The following SCGN variants were observed in gnomAD, a reference collection of about 807,000 sequenced individuals.
SCGN encodes secretagogin, EF-hand calcium binding protein.
A neutral mutation model predicts 39.7 loss-of-function variants in SCGN; 30 were observed. That is an observed-to-expected ratio of 0.76 (90% confidence interval 0.57 to 1.03). The LOEUF (loss-of-function observed/expected upper bound fraction) is 1.03, where lower values mean the gene tolerates loss of function less well. Among genes scored for constraint, SCGN ranks in the 50% least tolerant of loss-of-function variants. The probability of loss-of-function intolerance (pLI) is 0.00; values close to 1 mark genes in which losing one functional copy is unlikely to be tolerated. For missense variants in SCGN, 353 were observed against 349.4 expected, an observed-to-expected ratio of 1.01 and a Z score of -0.08; for synonymous variants, 106 against 114.1, an observed-to-expected ratio of 0.93 and a Z score of 0.45.
intron 10 of SCGN, among the ~76,000 whole-genome samples, chr6:25,699,002 A>AT (rs537590890): frequency 3.3e-5 from 5 of 151,372 alleles, no homozygotes; most frequent in Non-Finnish European, 5.9e-5. Context: ...TTAAGGAACA[A>AT]TTTTTTTTTC....
chr6:25,680,541 A>C (rs1275852612), intron 6 of SCGN, among the ~76,000 whole-genome samples: 5 of 152,148 alleles, frequency 3.3e-5, no homozygotes, highest in African/African-American at 9.7e-5. Context: ...TTTCTCTTGG[A>C]GTAAGTTTGC....
At chr6:25,692,091 C>T (rs1272072414) in intron 10 of SCGN, among the ~76,000 whole-genome samples, 6 of 152,188 alleles carry the variant, frequency 3.9e-5, no homozygotes, top group Non-Finnish European at 8.8e-5. Flanking sequence ...CCCTTGTCTC[C>T]TCTTTTCCTC....
chr6:25,686,376 CTTG>C (rs1461170376), intron 7 of SCGN, among the ~76,000 whole-genome samples: 1 of 152,180 alleles, frequency 6.6e-6, no homozygotes, highest in Non-Finnish European at 1.5e-5. Flanking sequence ...CTAATCAGCA[CTTG>C]TTATTGTTTG....
intron 6 of SCGN, among the ~76,000 whole-genome samples, chr6:25,673,123 G>C (rs916565502): frequency 6.6e-6 from 1 of 152,074 alleles, no homozygotes; most frequent in Non-Finnish European, 1.5e-5. Flanking sequence ...ACAAAATAAG[G>C]AACATTTGTC....
chr6:25,667,761 C>T (rs565960747), intron 4 of SCGN, among the ~76,000 whole-genome samples: 15 of 152,118 alleles, frequency 9.9e-5, no homozygotes, highest in African/African-American at 3.4e-4. Flanking sequence ...AATGTCTTTA[C>T]TTTGTCTTTA....
chr6:25,663,432 A>G (rs769527701), intron 3 of SCGN, among the ~76,000 whole-genome samples: 2 of 152,224 alleles, frequency 1.3e-5, no homozygotes, highest in Non-Finnish European at 2.9e-5. Context: ...GCTCAATTTT[A>G]TCATCTTTAC....
intron 10 of SCGN, among the ~76,000 whole-genome samples, chr6:25,700,543 C>T (rs1017128246): frequency 1.2e-4 from 18 of 152,122 alleles, no homozygotes; most frequent in African/African-American, 4.3e-4. Flanking sequence ...CCTCTGTTTC[C>T]TAATTTGTAA....
At chr6:25,683,857 A>C (rs899296213) in intron 7 of SCGN, among the ~76,000 whole-genome samples, 2 of 152,238 alleles carry the variant, frequency 1.3e-5, no homozygotes, top group African/African-American at 4.8e-5. Context: ...TACCATGTGG[A>C]AAATTTATGT....
At chr6:25,653,975 C>T (rs1231696258) in intron 2 of SCGN, among the ~76,000 whole-genome samples, 4 of 152,172 alleles carry the variant, frequency 2.6e-5, no homozygotes, top group African/African-American at 9.7e-5. Flanking sequence ...AGCCCAGATA[C>T]AAATGGAAGC....
chr6:25,652,586 T>C (rs1179008017), intron 1 of SCGN, 101 bp downstream of exon 1: 3 of 1,094,614 alleles, frequency 2.7e-6, no homozygotes, highest in Non-Finnish European at 4.1e-6. Flanking sequence ...GGAAAAGTTA[T>C]CGACCTGGGT....
rs1582583893 is a variant in SCGN, at chr6:25,681,990, C to A, written c.511C>A (p.Leu171Ile). Reference sequence around the variant, plus strand: ...CAGAAATAAAGATGGTCGGTTGGATCTAAATGACTTAGCAAGGTGAGTTAC... The same window carrying A: ...CAGAAATAAAGATGGTCGGTTGGATATAAATGACTTAGCAAGGTGAGTTAC... ...FDRNKDGRLD[L>I]NDLARILALQ... Residue 171 changes from leucine (L) to isoleucine (I), a missense_variant, in exon 7 of 11, where the codon CTA (leucine) becomes ATA (isoleucine). Coordinates refer to ENST00000377961, the MANE Select transcript of SCGN (RefSeq NM_006998.4). 6.2e-7 allele frequency: 1 copy of A among 1,613,180 alleles called. No homozygotes were observed. Among genetic ancestry groups the A allele is most frequent in the Non-Finnish European group, 8.5e-7 (1 of 1,179,140 alleles).
intron 4 of SCGN, among the ~76,000 whole-genome samples, chr6:25,668,705 T>C (rs749349314): frequency 1.3e-5 from 2 of 152,102 alleles, no homozygotes; most frequent in Non-Finnish European, 2.9e-5. Context: ...CAGGCAGACA[T>C]ACTTGGGACA....
chr6:25,672,105 A>T (rs1263155363), intron 6 of SCGN, among the ~76,000 whole-genome samples: 1 of 152,190 alleles, frequency 6.6e-6, no homozygotes, highest in African/African-American at 2.4e-5. Flanking sequence ...GTTAGATATC[A>T]ACTTGCCCTA....
In SCGN at chr6:25,683,101, C is replaced by T. The variant is rs541582400; in HGVS notation, c.527+1095C>T. Reference sequence around the variant, plus strand: ...CCTTGGCTACTTTTTTTAGGACCTTCGTTCTAACTTTGTCCACATTGATAT... The same window carrying T: ...CCTTGGCTACTTTTTTTAGGACCTTTGTTCTAACTTTGTCCACATTGATAT... On this transcript the variant is annotated intron_variant, in intron 7 of 10. Coordinates refer to ENST00000377961, the MANE Select transcript of SCGN (RefSeq NM_006998.4). 3.3e-5 allele frequency among the ~76,000 whole-genome samples: 5 copies of T among 152,086 alleles called. No individual in the cohort carries two copies. In the East Asian group the frequency reaches 9.6e-4, roughly 29 times the overall value.
chr6:25,654,950 A>T lies in SCGN; in HGVS notation c.153+1498A>T, dbSNP rs73733722. Among the ~76,000 whole-genome samples, 1,301 of 152,258 alleles carry T rather than the reference A, an allele frequency of 8.5e-3. 19 individuals carry two copies. Among genetic ancestry groups the T allele is most frequent in the African/African-American group, 0.028 (1,176 of 41,534 alleles). ...TCATTCTTGTACCTACACAAGCTAC[A>T]GGTAGAGCTGAGGAAGCCTCCCCCA... On this transcript the variant is annotated intron_variant, in intron 2 of 10. Coordinates refer to ENST00000377961, the MANE Select transcript of SCGN (RefSeq NM_006998.4).
chr6:25,656,574 G>A (rs2151376574), intron 2 of SCGN, among the ~76,000 whole-genome samples: 1 of 152,250 alleles, frequency 6.6e-6, no homozygotes, highest in South Asian at 2.1e-4. Flanking sequence ...GATTCTATGT[G>A]TACATACCCC....
chr6:25,662,097 A>G (rs540215435), intron 3 of SCGN, among the ~76,000 whole-genome samples: 8 of 152,334 alleles, frequency 5.3e-5, no homozygotes, highest in Non-Finnish European at 1.0e-4. Context: ...AGCACGACAG[A>G]CAATAGGTGT....
intron 3 of SCGN, among the ~76,000 whole-genome samples, chr6:25,664,179 G>T (rs1760389716): frequency 6.6e-6 from 1 of 152,170 alleles, no homozygotes; most frequent in African/African-American, 2.4e-5. Flanking sequence ...AAGCTGATTG[G>T]TTGAATTCAT....
intron 7 of SCGN, among the ~76,000 whole-genome samples, chr6:25,687,400 C>G (rs1020397110): frequency 6.6e-6 from 1 of 152,112 alleles, no homozygotes. Flanking sequence ...AACTAAACCA[C>G]TTTTGTTAAA....
Sources: gnomAD v4.1 joint callset for allele counts (sites outside exome capture counted in the v4.1 genomes callset) on GRCh38, gnomAD v4.1.1 for gene constraint, MANE v1.5 for transcripts, NCBI Gene and HGNC (gene_info 2026-07-23, HGNC 2026-07-21) for gene names.